The following TBC1D17 variants were observed in gnomAD, a reference collection of about 807,000 sequenced individuals.
The protein encoded by TBC1D17 is TBC1 domain family, member 17.
Under a neutral mutation model 78.8 loss-of-function variants are expected in TBC1D17, and 69 were observed. That is an observed-to-expected ratio of 0.88 (90% confidence interval 0.72 to 1.07). The LOEUF (loss-of-function observed/expected upper bound fraction) is 1.07. Ranked by LOEUF, TBC1D17 falls within the 50% of genes least tolerant of loss-of-function variation. The probability of loss-of-function intolerance (pLI) is 0.00; values close to 1 mark genes in which losing one functional copy is unlikely to be tolerated. For synonymous variants in TBC1D17, 456 were observed against 358.3 expected (o/e 1.27, Z -3.08); for missense variants, 957 against 861.0 (o/e 1.11, Z -1.39).
rs771055551 is a variant in TBC1D17 at position 49,882,715 on chromosome 19, C to A, written c.799-49C>A. The stretch of plus-strand genomic sequence containing the variant: ...CTTGTGGACTGAGGCTGGGTTGGGT[C>A]CCCCCACCACCCCGCCGAGCCCCAG... On this transcript the variant is annotated intron_variant, in intron 7 of 16. Transcript: ENST00000221543. 5.4e-6 allele frequency: 8 copies of A among 1,473,324 alleles called. No individual in the cohort carries two copies. In the Admixed American group the frequency reaches 7.9e-5, roughly 15 times the overall value. 91.3% of individuals were successfully genotyped at this position (1,473,324 alleles called of 1,614,324 possible).
intron 3 of TBC1D17, chr19:49,879,286 A>C (rs1175689776): frequency 1.3e-5 from 2 of 152,248 alleles, no homozygotes; most frequent in African/African-American, 4.8e-5. Flanking sequence ...TTTAGTGGGG[A>C]ATGAGACCTC....
At chr19:49,884,845 C>T (rs1416280466) in intron 13 of TBC1D17, 87 bp downstream of exon 13, 8 of 1,172,278 alleles carry the variant, frequency 6.8e-6, no homozygotes, top group Non-Finnish European at 1.0e-5. Flanking sequence ...GCATCCTGGA[C>T]ATTGGGTCCT....
chr19:49,883,756 G>GGGGTGGCACTTA lies in TBC1D17; in HGVS notation c.1126+18_1126+29dup. ...ACCGCAGCCTCATCGGTCAGTGTCA[G>GGGGTGGCACTTA]GGGTGGCACTTAGGGTGGATGGGAG... On this transcript the variant is annotated intron_variant, in intron 10 of 16. Transcript: ENST00000221543. 6 of 1,611,738 alleles carry GGGGTGGCACTTA rather than the reference G, an allele frequency of 3.7e-6. No individual in the cohort carries two copies. The highest frequency in any genetic ancestry group is 5.1e-6 in the Non-Finnish European group (6 of 1,178,296).
Position 49,878,169 on chromosome 19 carries a change from C to T in TBC1D17, c.48C>T (p.Tyr16=), listed in dbSNP as rs1158137158. Residue 16 remains tyrosine (Y), a synonymous_variant, in exon 2 of 17, where the codon TAC becomes TAT. Coordinates refer to ENST00000221543, the MANE Select transcript of TBC1D17 (RefSeq NM_024682.3). ...TGGTGTTTGAGAAGGGCGGAGTGTA[C>T]CTGCACACCAGCGCTAAGAAGTATC... ...YRVVFEKGGV[Y]LHTSAKKYQD... The T allele has an allele frequency of 5.1e-6, 8 of 1,577,942 alleles. No homozygotes were observed. The highest frequency in any genetic ancestry group is 2.4e-5 in the East Asian group (1 of 42,316).
chr19:49,880,414 TGGC>T lies in TBC1D17; in HGVS notation c.319+16_319+18del. 1 of 1,612,296 alleles carries T rather than the reference TGGC, an allele frequency of 6.2e-7. No individual in the cohort carries two copies. The highest frequency in any genetic ancestry group is 1.3e-5 in the African/African-American group (1 of 75,018). On this transcript the variant is annotated intron_variant, in intron 4 of 16. Coordinates refer to ENST00000221543, the MANE Select transcript of TBC1D17 (RefSeq NM_024682.3). The stretch of plus-strand genomic sequence containing the variant: ...AGAGCCCACGAGAGGTAGGCTGAGG[TGGC>T]GGCCCTTGAGAAGCACGTGTGGGCC...
rs12609883 is a variant in TBC1D17 at position 49,881,237 on chromosome 19, C to T, written c.320-31C>T. 0.014 allele frequency: 21,662 copies of T among 1,586,282 alleles called. 1,164 individuals are homozygous for T. The Admixed American group carries it at 0.14, about 10-fold the overall frequency. ...ATAAGGCTGACTCTGGCTTCCCACG[C>T]GCTTCCCCCAACACAGTGCCGTCTC... On this transcript the variant is annotated intron_variant, in intron 4 of 16. Transcript: ENST00000221543.
chr19:49,884,600 G>C (rs766335319), intron 12 of TBC1D17, 41 bp downstream of exon 12: 2 of 1,613,438 alleles, frequency 1.2e-6, no homozygotes, highest in African/African-American at 1.3e-5. Flanking sequence ...CCTATCGAGC[G>C]ATCAGGTGTC....
rs2075043195 is a variant in TBC1D17 at position 49,884,532 on chromosome 19, G to C, written c.1317G>C (p.Trp439Cys). Residue 439 changes from tryptophan (W) to cysteine (C), a missense_variant, in exon 12 of 17, where the codon TGG becomes TGC. Coordinates refer to ENST00000221543, the MANE Select transcript of TBC1D17 (RefSeq NM_024682.3). ...TTCAGAACGAGGTGGATGCTTTCTG[G>C]TGTTTCTGTGGCTTCATGGAGCTCG... Reference protein sequence around the residue: ...YVIQNEVDAFWCFCGFMELVQ... With the variant: ...YVIQNEVDAFCCFCGFMELVQ... 3.1e-6 allele frequency: 5 copies of C among 1,614,158 alleles called. No individual in the cohort carries two copies. The highest frequency in any genetic ancestry group is 4.2e-6 in the Non-Finnish European group (5 of 1,180,032).
intron 13 of TBC1D17, chr19:49,886,408 C>T (rs374415321): frequency 1.6e-4 from 24 of 152,270 alleles, no homozygotes; most frequent in African/African-American, 5.3e-4. Context: ...CTGTCCTCAC[C>T]TTACTGATGA....
intron 3 of TBC1D17, 87 bp from the exon 4 acceptor site, chr19:49,880,192 T>C (rs2075000758): frequency 3.3e-6 from 5 of 1,531,732 alleles, no homozygotes; most frequent in Admixed American, 3.7e-5. Context: ...TTTCCCTCTT[T>C]ATTCAATGGG....
chr19:49,880,507 G>A lies in TBC1D17; in HGVS notation c.319+105G>A, dbSNP rs1042131148. The A allele has an allele frequency of 8.4e-6, 12 of 1,434,670 alleles. No homozygotes were observed. In the East Asian group the frequency reaches 2.5e-4, roughly 29 times the overall value. 88.9% of individuals were successfully genotyped at this position (1,434,670 alleles called of 1,614,324 possible). On this transcript the variant is annotated intron_variant, in intron 4 of 16. Coordinates refer to ENST00000221543, the MANE Select transcript of TBC1D17 (RefSeq NM_024682.3). ...GGGCTTTGCTGCCCACAATCAAGAA[G>A]GCCACCAGTCACCACCTTCCAGTCC...
chr19:49,888,514 TCGCCCACCCGGGCCC>T lies in TBC1D17; in HGVS notation c.1847_1861del (p.Arg616_Thr620del). On this transcript the variant is annotated inframe_deletion, in exon 17 of 17. Transcript: ENST00000221543. ...GCCCACCGCCTCCCCGCTGCCTCTG[TCGCCCACCCGGGCCC>T]CGCCCACCCCGCCGCCCTCCACGGA... The T allele has an allele frequency of 2.6e-6, 4 of 1,550,512 alleles. No individual in the cohort carries two copies. Among genetic ancestry groups the T allele is most frequent in the Non-Finnish European group, 3.5e-6 (4 of 1,153,524 alleles).
chr19:49,881,382 C>A lies in TBC1D17; in HGVS notation c.434C>A (p.Thr145Asn), dbSNP rs1455850070. 1 of 1,613,284 alleles carries A rather than the reference C, an allele frequency of 6.2e-7. No individual in the cohort carries two copies. The highest frequency in any genetic ancestry group is 1.7e-5 in the Admixed American group (1 of 60,012). ...GLSWAYLVLVTQAGGSLPALH... is the reference protein window; with the variant it reads ...GLSWAYLVLVNQAGGSLPALH... Reference sequence around the variant, plus strand: ...AGCTGGGCCTACCTGGTTCTGGTGACCCAGGCTGGAGGTTCCCTGCCCGCA... The same window carrying A: ...AGCTGGGCCTACCTGGTTCTGGTGAACCAGGCTGGAGGTTCCCTGCCCGCA... The change falls in exon 5 of 17, where the codon ACC becomes AAC. Residue 145 changes from threonine to asparagine, a missense_variant. Physicochemically the swap from Thr to Asn is moderately conservative, Grantham distance 65. Transcript: ENST00000221543.
Position 49,877,865 on chromosome 19 carries a change from C to T in TBC1D17, c.21+121C>T, listed in dbSNP as rs73594135. Reference sequence around the variant, plus strand: ...GCACGGCCTTGGCAAACACCGATCTCTTATAAACGCGCCGTCACCCTCCCG... The same window carrying T: ...GCACGGCCTTGGCAAACACCGATCTTTTATAAACGCGCCGTCACCCTCCCG... On this transcript the variant is annotated intron_variant, in intron 1 of 16. Transcript: ENST00000221543. The T allele has an allele frequency of 2.8e-3, 3,399 of 1,234,920 alleles. 77 individuals are homozygous for T. In the African/African-American group the frequency reaches 0.044, roughly 16 times the overall value. 76.5% of individuals were successfully genotyped at this position (1,234,920 alleles called of 1,614,324 possible).
At chr19:49,887,266 T>C (rs1420791794) in intron 13 of TBC1D17, 12 of 569,794 alleles carry the variant, frequency 2.1e-5, no homozygotes, top group Non-Finnish European at 3.5e-5. Flanking sequence ...ATGGCAGATG[T>C]GGAAGTATAA....
In TBC1D17 at chr19:49,884,556, C is replaced by T. The variant is rs777694904; in HGVS notation, c.1341C>T (p.Leu447=). 5.6e-6 allele frequency: 9 copies of T among 1,614,082 alleles called. No individual in the cohort carries two copies. Among genetic ancestry groups the T allele is most frequent in the Non-Finnish European group, 6.8e-6 (8 of 1,179,978 alleles). The change falls in exon 12 of 17, where the codon CTC becomes CTT. Residue 447 remains leucine (L), a synonymous_variant. Coordinates refer to ENST00000221543, the MANE Select transcript of TBC1D17 (RefSeq NM_024682.3). ...GGTGTTTCTGTGGCTTCATGGAGCTCGTGGTGAGGCTTGGGTCAGGGGTGG... is the reference window on the plus strand; with the variant it reads ...GGTGTTTCTGTGGCTTCATGGAGCTTGTGGTGAGGCTTGGGTCAGGGGTGG... ...AFWCFCGFME[L]VQGNFEESQE...
chr19:49,880,738 CAG>C (rs778132001), intron 4 of TBC1D17, among the ~76,000 whole-genome samples: 2 of 152,224 alleles, frequency 1.3e-5, no homozygotes, highest in Non-Finnish European at 2.9e-5. Flanking sequence ...TGGGGTCACA[CAG>C]GGTGCAGGGG....
At chr19:49,887,641 G>C (rs1018658650) in intron 14 of TBC1D17, 68 bp downstream of exon 14, 26 of 1,610,268 alleles carry the variant, frequency 1.6e-5, no homozygotes, top group Non-Finnish European at 2.2e-5. Context: ...GTTGGGCGGA[G>C]AGGGACAGAC....
Position 49,878,174 on chromosome 19 carries a change from A to G in TBC1D17, c.53A>G (p.His18Arg), listed in dbSNP as rs1189272275. 4 of 1,577,390 alleles carry G rather than the reference A, an allele frequency of 2.5e-6. No homozygotes were observed. In the South Asian group the frequency reaches 3.5e-5, roughly 14 times the overall value. Residue 18 changes from histidine to arginine, a missense_variant, in exon 2 of 17, where the codon CAC (histidine) becomes CGC (arginine). By Grantham distance (29) the His-to-Arg change is conservative (BLOSUM62 0). Transcript: ENST00000221543. ...VVFEKGGVYL[H>R]TSAKKYQDRD... ...TTTGAGAAGGGCGGAGTGTACCTGC[A>G]CACCAGCGCTAAGAAGTATCAGGAC... is the stretch of plus-strand genomic sequence containing the variant.
Sources: allele counts gnomAD v4.1 joint callset (sites outside exome capture counted in the v4.1 genomes callset), GRCh38; gene constraint gnomAD v4.1.1; transcripts MANE v1.5; gene names NCBI Gene and HGNC (gene_info 2026-07-23, HGNC 2026-07-21).